The following CEP112 variants were observed in gnomAD, a reference collection of about 807,000 sequenced individuals.
CEP112 encodes the protein centrosomal protein of 112 kDa.
In CEP112, 127 loss-of-function variants were observed where a neutral mutation model predicts 153.0. That is an observed-to-expected ratio of 0.83 (90% CI 0.72 to 0.96). The LOEUF is 0.96. CEP112 is among the 40% of genes least tolerant of loss of function. CEP112 has a pLI of 0.00. For synonymous variants in CEP112, 358 were observed against 374.4 expected, an observed-to-expected ratio of 0.96 and a Z score of 0.51; for missense variants, 1,089 against 1,101.2, an observed-to-expected ratio of 0.99 and a Z score of 0.16.
chr17:65,845,123 C>T (rs2057680244), intron 21 of CEP112, among the ~76,000 whole-genome samples: 1 of 152,100 alleles, frequency 6.6e-6, no homozygotes. Context: ...AGTTCAAGAC[C>T]AGCCTGACCA....
intron 18 of CEP112, among the ~76,000 whole-genome samples, chr17:65,933,380 C>T (rs1206897432): frequency 1.3e-5 from 2 of 152,164 alleles, no homozygotes; most frequent in East Asian, 3.8e-4. Flanking sequence ...CACGAAGACA[C>T]ATCATAATCA....
chr17:65,891,628 A>C (rs1464856894), intron 20 of CEP112, among the ~76,000 whole-genome samples: 1 of 152,124 alleles, frequency 6.6e-6, no homozygotes, highest in Non-Finnish European at 1.5e-5. Context: ...GATCTGTAAA[A>C]AACATGAATC....
intron 18 of CEP112, among the ~76,000 whole-genome samples, chr17:65,944,314 A>C (rs542472401): frequency 6.6e-6 from 1 of 152,336 alleles, no homozygotes; most frequent in East Asian, 1.9e-4. Flanking sequence ...GTATCCCAGA[A>C]TTAAAATCAA....
At chr17:65,916,250 AGTGTGTGTGTGTGTGTGTGT>A (rs3222034) in intron 19 of CEP112, among the ~76,000 whole-genome samples, 1 of 129,874 alleles carries the variant, frequency 7.7e-6, no homozygotes, top group East Asian at 2.3e-4. Flanking sequence ...TTTGAAAAAG[AGTGTGTGTGTGTGTGTGTGT>A]GTGTGTGTGT....
At chr17:65,887,914 A>C (rs2059338168) in intron 20 of CEP112, among the ~76,000 whole-genome samples, 1 of 152,112 alleles carries the variant, frequency 6.6e-6, no homozygotes, top group Non-Finnish European at 1.5e-5. Flanking sequence ...TATCACTAAC[A>C]CTGGGGACAA....
chr17:65,831,973 G>A (rs781080847), intron 21 of CEP112, among the ~76,000 whole-genome samples: 42 of 152,236 alleles, frequency 2.8e-4, no homozygotes, highest in Admixed American at 1.5e-3. Flanking sequence ...CAAAAGAACC[G>A]AAATCATACC....
intron 21 of CEP112, among the ~76,000 whole-genome samples, chr17:65,836,397 C>T (rs545406381): frequency 6.6e-6 from 1 of 152,266 alleles, no homozygotes; most frequent in African/African-American, 2.4e-5. Flanking sequence ...CTTCAAGAAA[C>T]TCACTTCACC....
At chr17:65,716,231 A>C (rs1283037290) in intron 23 of CEP112, among the ~76,000 whole-genome samples, 2 of 151,964 alleles carry the variant, frequency 1.3e-5, no homozygotes, top group Non-Finnish European at 2.9e-5. Context: ...ATCTCGGCTC[A>C]TTGCAACCTC....
intron 16 of CEP112, among the ~76,000 whole-genome samples, chr17:66,027,222 C>T (rs545461152): frequency 4.6e-5 from 7 of 152,120 alleles, no homozygotes; most frequent in South Asian, 2.1e-4. Context: ...ACTAAAAATG[C>T]AAAAATTGGC....
intron 21 of CEP112, among the ~76,000 whole-genome samples, chr17:65,779,722 A>G (rs1330073734): frequency 6.6e-6 from 1 of 152,194 alleles, no homozygotes; most frequent in Non-Finnish European, 1.5e-5. Flanking sequence ...AGGAACTACA[A>G]GTGCTCAGGT....
At chr17:65,848,063 A>G (rs1282070005) in intron 21 of CEP112, among the ~76,000 whole-genome samples, 1 of 152,208 alleles carries the variant, frequency 6.6e-6, no homozygotes, top group East Asian at 1.9e-4. Context: ...CAAGCCATCA[A>G]TGATCTCTGA....
intron 6 of CEP112, among the ~76,000 whole-genome samples, chr17:66,105,770 G>A (rs1176586342): frequency 6.6e-6 from 1 of 152,050 alleles, no homozygotes; most frequent in Non-Finnish European, 1.5e-5. Context: ...TCCAGCCTGG[G>A]TAACAGAGCC....
At chr17:65,680,402 T>C (rs1282612217) in intron 24 of CEP112, among the ~76,000 whole-genome samples, 1 of 152,176 alleles carries the variant, frequency 6.6e-6, no homozygotes, top group Admixed American at 6.5e-5. Flanking sequence ...TTCAGCAACT[T>C]TTGGAACTCT....
At chr17:66,083,720 G>C (rs1397502263) in intron 8 of CEP112, among the ~76,000 whole-genome samples, 2 of 152,092 alleles carry the variant, frequency 1.3e-5, no homozygotes, top group East Asian at 3.9e-4. Flanking sequence ...GCGTGGTGGT[G>C]AGTGCCTGTA....
At chr17:66,066,327 A>G (rs906096436) in intron 10 of CEP112, among the ~76,000 whole-genome samples, 1 of 152,164 alleles carries the variant, frequency 6.6e-6, no homozygotes, top group Non-Finnish European at 1.5e-5. Flanking sequence ...CAATACCAGC[A>G]AATACTATCA....
rs145924284 is a variant in CEP112, at chr17:65,761,217, T to C, written c.2395-10493A>G. Among the ~76,000 whole-genome samples, 1,269 of 152,048 alleles carry C rather than the reference T, an allele frequency of 8.3e-3. 14 individuals carry two copies. The highest frequency in any genetic ancestry group is 0.02 in the South Asian group (96 of 4,830). On this transcript the variant is annotated intron_variant, in intron 21 of 26. Transcript: ENST00000535342. ...CTTTTGGTTTCATTGATTTTCTCTA[T>C]TGATTTCCTGTTTTCAAGTTCATTG...
Position 66,129,805 on chromosome 17 carries a change from AT to A in CEP112, c.582del (p.Lys194AsnfsTer22). ...TPKICEVYSK[K>X]SPVSLDDSDI... ...TCACTATCATCCAAAGAAACAGGAG[AT>A]TTTTTCGAATAAACTTCCTGAAATA... On this transcript the variant is annotated frameshift_variant, in exon 6 of 27. Coordinates refer to ENST00000535342, the MANE Select transcript of CEP112 (RefSeq NM_001199165.4). LOFTEE classifies it high-confidence loss of function. The A allele has an allele frequency of 6.2e-7, 1 of 1,610,792 alleles. No individual in the cohort carries two copies.
intron 8 of CEP112, among the ~76,000 whole-genome samples, chr17:66,072,008 T>C (rs2067323367): frequency 6.6e-6 from 1 of 152,184 alleles, no homozygotes; most frequent in South Asian, 2.1e-4. Flanking sequence ...CTTGGCATAA[T>C]ATTAAACTTA....
chr17:66,076,151 A>G (rs1380763714), intron 8 of CEP112, among the ~76,000 whole-genome samples: 3 of 152,202 alleles, frequency 2.0e-5, no homozygotes, highest in Admixed American at 6.5e-5. Context: ...CACAGAGAGA[A>G]GGAAGTCTCC....
Sources: gnomAD v4.1 joint callset for allele counts (sites outside exome capture counted in the v4.1 genomes callset) on GRCh38, gnomAD v4.1.1 for gene constraint, MANE v1.5 for transcripts, NCBI Gene and HGNC (gene_info 2026-07-23, HGNC 2026-07-21) for gene names.